RAB38: variants seen among roughly 807,000 people sequenced by gnomAD.
RAB38 encodes the protein ras-related protein Rab-38.
In RAB38, 15 loss-of-function variants were observed where a neutral mutation model predicts 18.4. The ratio of observed to expected loss-of-function variants is 0.82; its 90% confidence interval spans 0.55 to 1.26. RAB38 has a LOEUF of 1.26. Ranked by LOEUF, RAB38 falls within the 50% of genes most tolerant of loss-of-function variation. The probability of loss-of-function intolerance (pLI) is 0.00; values close to 1 mark genes in which losing one functional copy is unlikely to be tolerated. For synonymous variants in RAB38, 101 were observed against 104.4 expected (o/e 0.97, Z 0.20); for missense variants, 294 against 267.4 (o/e 1.10, Z -0.69).
the RAB38 span, among the ~76,000 whole-genome samples, chr11:88,077,326 G>C: frequency 6.6e-6 from 1 of 151,782 alleles, no homozygotes; most frequent in Admixed American, 6.6e-5. Context: ...AATTACTAAA[G>C]AGCCCAAATA....
the RAB38 span, among the ~76,000 whole-genome samples, chr11:87,880,406 T>A: frequency 1.3e-5 from 2 of 151,788 alleles, no homozygotes; most frequent in African/African-American, 4.8e-5. Flanking sequence ...AAGTTCAAGA[T>A]GGTAGAGCCA....
At chr11:88,111,864 C>A (rs1413452571), downstream of RAB38, among the ~76,000 whole-genome samples, 1 of 152,168 alleles carries the variant, frequency 6.6e-6, no homozygotes, top group African/African-American at 2.4e-5. Context: ...GATTCTCCGG[C>A]CTTTCAAAAT....
At chr11:87,951,113 C>T in the RAB38 span, among the ~76,000 whole-genome samples, 2 of 152,120 alleles carry the variant, frequency 1.3e-5, no homozygotes, top group East Asian at 1.9e-4. Flanking sequence ...CTAAACTTCT[C>T]TTCTTGCTTC....
the RAB38 span, chr11:88,098,130 G>A: frequency 1.3e-5 from 2 of 151,912 alleles, no homozygotes; most frequent in African/African-American, 2.4e-5. Flanking sequence ...GTCTTATTTG[G>A]TGGTGGCTTC....
At chr11:88,175,103 T>C in intron 1 of RAB38, 80 bp downstream of exon 1, 1 of 1,418,468 alleles carries the variant, frequency 7.0e-7, no homozygotes, top group Non-Finnish European at 9.4e-7. Flanking sequence ...AATCTCACGC[T>C]TGGCCGCAAG....
the RAB38 span, among the ~76,000 whole-genome samples, chr11:87,850,252 CA>C: frequency 3.7e-4 from 57 of 152,236 alleles, no homozygotes; most frequent in South Asian, 0.012. Context: ...GCCTCTTCCC[CA>C]GGAACATCAT....
the RAB38 span, among the ~76,000 whole-genome samples, chr11:87,921,800 T>C: frequency 0.087 from 13,221 of 151,744 alleles, 1,470 homozygotes; most frequent in African/African-American, 0.27. Flanking sequence ...CCTTTTTTTT[T>C]CTCAGATAGC....
At chr11:88,106,777 C>T in the RAB38 span, among the ~76,000 whole-genome samples, 9 of 152,202 alleles carry the variant, frequency 5.9e-5, no homozygotes, top group Non-Finnish European at 1.0e-4. Context: ...CATTTCTGAC[C>T]GTTTTTATTA....
the RAB38 span, among the ~76,000 whole-genome samples, chr11:87,969,377 A>G: frequency 6.6e-6 from 1 of 152,152 alleles, no homozygotes; most frequent in Non-Finnish European, 1.5e-5. Context: ...ATATTTGTTA[A>G]CAACATAAAT....
the RAB38 span, among the ~76,000 whole-genome samples, chr11:88,018,865 C>A: frequency 6.6e-6 from 1 of 152,058 alleles, no homozygotes; most frequent in Non-Finnish European, 1.5e-5. Flanking sequence ...TTGGTTGAAT[C>A]TGAAGATGAG....
At chr11:88,052,864 T>A in the RAB38 span, among the ~76,000 whole-genome samples, 1 of 136,580 alleles carries the variant, frequency 7.3e-6, no homozygotes, top group South Asian at 2.2e-4. Flanking sequence ...TTTTTATACC[T>A]CTCATTACTG....
At chr11:88,042,677 C>T in the RAB38 span, among the ~76,000 whole-genome samples, 5 of 152,112 alleles carry the variant, frequency 3.3e-5, no homozygotes, top group African/African-American at 7.2e-5. Context: ...CCCAGTAGGA[C>T]GCAGGCTGCC....
At chr11:87,814,723 A>ATTTTCT in the RAB38 span, among the ~76,000 whole-genome samples, 3 of 148,518 alleles carry the variant, frequency 2.0e-5, no homozygotes, top group Non-Finnish European at 3.0e-5. Context: ...TAAGTAGCTT[A>ATTTTCT]TTTTCTTTTT....
At chr11:87,905,547 C>G in the RAB38 span, among the ~76,000 whole-genome samples, 1 of 151,944 alleles carries the variant, frequency 6.6e-6, no homozygotes, top group Admixed American at 6.6e-5. Context: ...TTATAAGAGT[C>G]ATTACATTTG....
the RAB38 span, among the ~76,000 whole-genome samples, chr11:87,891,359 G>A: frequency 3.3e-5 from 5 of 151,816 alleles, no homozygotes; most frequent in African/African-American, 1.2e-4. Flanking sequence ...AATGTTTTGT[G>A]TATGTCATAT....
chr11:88,154,697 G>C (rs61909940), intron 1 of RAB38, among the ~76,000 whole-genome samples: 37,490 of 152,164 alleles, frequency 0.25, 4,669 homozygotes, highest in Admixed American at 0.27. Flanking sequence ...GACCTGTTCA[G>C]CTGGAGCAGT....
the RAB38 span, among the ~76,000 whole-genome samples, chr11:87,838,304 C>T: frequency 3.3e-5 from 5 of 151,992 alleles, no homozygotes; most frequent in South Asian, 4.2e-4. Flanking sequence ...TTAGTAGAGA[C>T]GGAGTTTCAC....
At chr11:87,861,679 C>T in the RAB38 span, among the ~76,000 whole-genome samples, 5 of 151,906 alleles carry the variant, frequency 3.3e-5, no homozygotes, top group East Asian at 7.8e-4. Flanking sequence ...ACCCTCATAG[C>T]GAGTCCTCCA....
chr11:88,037,399 T>C, the RAB38 span, among the ~76,000 whole-genome samples: 5 of 152,120 alleles, frequency 3.3e-5, no homozygotes, highest in South Asian at 4.1e-4. Context: ...AGAGCCCTAA[T>C]TGTATTACTT....
Sources: allele counts gnomAD v4.1 joint callset (sites outside exome capture counted in the v4.1 genomes callset), GRCh38; gene constraint gnomAD v4.1.1; transcripts MANE v1.5; gene names NCBI Gene and HGNC (gene_info 2026-07-23, HGNC 2026-07-21).